DCC: variants seen among roughly 807,000 people sequenced by gnomAD.
DCC encodes the protein netrin receptor DCC.
In DCC, 58 loss-of-function variants were observed where a neutral mutation model predicts 172.5. The ratio of observed to expected loss-of-function variants is 0.34; its 90% CI spans 0.27 to 0.42. DCC has a LOEUF of 0.42. DCC is among the 10% of genes least tolerant of loss of function. DCC has a pLI of 1.00. For missense variants in DCC, 1,740 were observed against 1,791.0 expected, an observed-to-expected ratio of 0.97 and a Z score of 0.51; for synonymous variants, 709 against 644.5, an observed-to-expected ratio of 1.10 and a Z score of -1.52.
chr18:52,899,042 C>T (rs1304596178), intron 2 of DCC, among the ~76,000 whole-genome samples: 1 of 152,054 alleles, frequency 6.6e-6, no homozygotes, highest in African/African-American at 2.4e-5. Flanking sequence ...CCTCTCCACA[C>T]CTCACCACCT....
At chr18:53,156,412 G>A (rs769000137) in intron 7 of DCC, among the ~76,000 whole-genome samples, 7 of 151,924 alleles carry the variant, frequency 4.6e-5, no homozygotes, top group Non-Finnish European at 1.0e-4. Flanking sequence ...TGAACCTGGA[G>A]GCTGAGGTTT....
At chr18:52,718,013 C>T (rs2036413380) in intron 1 of DCC, among the ~76,000 whole-genome samples, 1 of 152,130 alleles carries the variant, frequency 6.6e-6, no homozygotes, top group Admixed American at 6.5e-5. Flanking sequence ...TGAGTGACAG[C>T]TCAGGAGATT....
chr18:53,455,041 A>G (rs534472617), intron 23 of DCC, among the ~76,000 whole-genome samples: 80 of 152,346 alleles, frequency 5.3e-4, no homozygotes, highest in Non-Finnish European at 9.4e-4. Flanking sequence ...CCTTTGGAAA[A>G]GATTTGGAAA....
chr18:52,414,275 T>A (rs1467754649), intron 1 of DCC, among the ~76,000 whole-genome samples: 1 of 151,964 alleles, frequency 6.6e-6, no homozygotes, highest in Non-Finnish European at 1.5e-5. Context: ...GTAGAGACAG[T>A]GTTTCACCAT....
At chr18:53,400,746 T>G (rs1249845095) in intron 18 of DCC, among the ~76,000 whole-genome samples, 1 of 152,170 alleles carries the variant, frequency 6.6e-6, no homozygotes, top group Non-Finnish European at 1.5e-5. Flanking sequence ...AGATTGGTTG[T>G]TAGATTTTTT....
chr18:52,523,152 G>A (rs145067356), intron 1 of DCC, among the ~76,000 whole-genome samples: 141 of 152,278 alleles, frequency 9.3e-4, no homozygotes, highest in African/African-American at 3.3e-3. Context: ...GGTCTCAAGT[G>A]TACTGGGCCT....
At chr18:53,075,709 A>G (rs2042716847) in intron 7 of DCC, among the ~76,000 whole-genome samples, 1 of 152,216 alleles carries the variant, frequency 6.6e-6, no homozygotes, top group African/African-American at 2.4e-5. Flanking sequence ...CAAAACATAC[A>G]TACATATAGA....
intron 21 of DCC, among the ~76,000 whole-genome samples, chr18:53,419,390 C>T (rs1910502022): frequency 2.6e-5 from 4 of 152,148 alleles, no homozygotes; most frequent in Middle Eastern, 3.4e-3. Context: ...CTCATTATTT[C>T]TAACTATATT....
chr18:52,659,960 A>G (rs1284308991), intron 1 of DCC, among the ~76,000 whole-genome samples: 1 of 152,174 alleles, frequency 6.6e-6, no homozygotes, highest in Non-Finnish European at 1.5e-5. Context: ...ACTGAAACCC[A>G]ATGATTAAGT....
intron 22 of DCC, among the ~76,000 whole-genome samples, chr18:53,440,989 T>C (rs1335883851): frequency 6.6e-6 from 1 of 152,216 alleles, no homozygotes; most frequent in African/African-American, 2.4e-5. Context: ...TGTGGGCACA[T>C]GTCCTGTTCA....
At chr18:53,139,123 T>C (rs2043792210) in intron 7 of DCC, among the ~76,000 whole-genome samples, 2 of 152,190 alleles carry the variant, frequency 1.3e-5, no homozygotes, top group Non-Finnish European at 2.9e-5. Context: ...CATAGGCTGC[T>C]TTGTACAATT....
At chr18:52,956,355 T>A (rs2040742767) in intron 5 of DCC, among the ~76,000 whole-genome samples, 1 of 152,106 alleles carries the variant, frequency 6.6e-6, no homozygotes. Context: ...AATTTGTCAA[T>A]GATCAATTGA....
At chr18:53,002,518 C>A (rs2041581572) in intron 5 of DCC, among the ~76,000 whole-genome samples, 3 of 152,022 alleles carry the variant, frequency 2.0e-5, no homozygotes. Context: ...TGAGATAATT[C>A]ACAATAGACT....
chr18:52,926,046 T>C (rs1239031643), intron 5 of DCC, among the ~76,000 whole-genome samples: 1 of 151,906 alleles, frequency 6.6e-6, no homozygotes, highest in Admixed American at 6.6e-5. Flanking sequence ...ATTTGAATTA[T>C]GTAGTTTGGA....
chr18:52,775,643 C>T (rs758985982), intron 2 of DCC, among the ~76,000 whole-genome samples: 2 of 152,168 alleles, frequency 1.3e-5, no homozygotes, highest in African/African-American at 2.4e-5. Flanking sequence ...GGCCTGCAGG[C>T]CTGCCACTAT....
chr18:52,397,530 G>C (rs899593371), intron 1 of DCC, among the ~76,000 whole-genome samples: 2 of 152,020 alleles, frequency 1.3e-5, no homozygotes, highest in African/African-American at 4.8e-5. Flanking sequence ...AGCTATGAAA[G>C]GAAGCATAAC....
intron 2 of DCC, among the ~76,000 whole-genome samples, chr18:52,792,475 G>T (rs527373811): frequency 6.6e-6 from 1 of 152,234 alleles, no homozygotes; most frequent in Non-Finnish European, 1.5e-5. Context: ...AACACTCAGG[G>T]GTAGCCCCAG....
At chr18:52,706,066 C>A (rs983148902) in intron 1 of DCC, among the ~76,000 whole-genome samples, 2 of 151,460 alleles carry the variant, frequency 1.3e-5, no homozygotes, top group Admixed American at 6.6e-5. Flanking sequence ...TTGATTAGGC[C>A]ACAATGGAAA....
intron 7 of DCC, among the ~76,000 whole-genome samples, chr18:53,111,511 A>C (rs1034171345): frequency 3.3e-5 from 5 of 151,240 alleles, no homozygotes; most frequent in African/African-American, 4.8e-5. Context: ...TAGTTGCAGC[A>C]GCTCAGAAAA....
Sources: allele counts gnomAD v4.1 joint callset (sites outside exome capture counted in the v4.1 genomes callset), GRCh38; gene constraint gnomAD v4.1.1; transcripts MANE v1.5; gene names NCBI Gene and HGNC (gene_info 2026-07-23, HGNC 2026-07-21).